The following ATM variants were observed in gnomAD, a reference collection of about 807,000 sequenced individuals.
The protein encoded by ATM is ATM serine/threonine kinase.
ATM carries 308 observed loss-of-function variants against 387.0 expected under a neutral mutation model. That is an observed-to-expected ratio of 0.80 (90% CI 0.73 to 0.87). The LOEUF is 0.87. ATM is among the 40% of genes least tolerant of loss of function. The probability of loss-of-function intolerance (pLI) is 0.00; values close to 1 mark genes in which losing one functional copy is unlikely to be tolerated. For missense variants in ATM, 3,312 were observed against 3,560.9 expected (o/e 0.93, Z 1.78); for synonymous variants, 1,156 against 1,187.3 (o/e 0.97, Z 0.54).
chr11:108,304,288 AC>A (rs2083568379), intron 36 of ATM, among the ~76,000 whole-genome samples: 2 of 152,302 alleles, frequency 1.3e-5, no homozygotes, highest in African/African-American at 4.8e-5. Context: ...AACTTTTGAT[AC>A]CTTTTTCCCT....
intron 27 of ATM, 64 bp downstream of exon 27, chr11:108,287,779 G>A (rs1313938490): frequency 1.0e-5 from 12 of 1,151,504 alleles, no homozygotes; most frequent in East Asian, 2.4e-5. Context: ...AAGTTTATTG[G>A]TTGACACCTT....
Position 108,249,005 on chromosome 11 carries a change from T to A in ATM, c.1138T>A (p.Tyr380Asn), listed in dbSNP as rs34083085. The A allele has an allele frequency of 1.9e-5, 31 of 1,613,388 alleles. No individual in the cohort carries two copies. Among genetic ancestry groups the A allele is most frequent in the Non-Finnish European group, 2.6e-5 (31 of 1,179,432 alleles). ...TACTACACAAAGAGAATCTAGTGAT[T>A]ACAGTGTCCCTTGCAAAAGGAAGAA... is the stretch of plus-strand genomic sequence containing the variant. The part of the protein sequence containing the change: ...YTTTQRESSD[Y>N]SVPCKRKKIE... The change falls in exon 9 of 63, where the codon TAC (tyrosine) becomes AAC (asparagine). Residue 380 changes from tyrosine to asparagine, a missense_variant. Physicochemically the swap from Tyr to Asn is moderately radical, Grantham distance 143. This residue lies in a region of ATM where 1,791 missense variants were observed against 1,804.5 expected (regional missense o/e 0.99). Coordinates refer to ENST00000675843, the MANE Select transcript of ATM (RefSeq NM_000051.4).
rs537377433 is a variant in ATM, at chr11:108,293,340, A to T, written c.4639A>T (p.Ile1547Leu). 3 of 1,570,224 alleles carry T rather than the reference A, an allele frequency of 1.9e-6. No homozygotes were observed. The highest frequency in any genetic ancestry group is 1.7e-6 in the Non-Finnish European group (2 of 1,144,800). Residue 1547 changes from isoleucine to leucine, a missense_variant, in exon 31 of 63, where the codon ATA (isoleucine) becomes TTA (leucine). Ile to Leu is a conservative substitution (Grantham distance 5, BLOSUM62 2). Coordinates refer to ENST00000675843, the MANE Select transcript of ATM (RefSeq NM_000051.4). ...ATTGGACTTGTTGAAATACTTAGTG[A>T]TAGATAACAAGGATAATGAAAACCT... The part of the protein sequence containing the change: ...QVLDLLKYLV[I>L]DNKDNENLYI...
chr11:108,309,187 G>T (rs1224968316), intron 38 of ATM: 1 of 563,076 alleles, frequency 1.8e-6, no homozygotes, highest in South Asian at 2.4e-5. Context: ...CAAAAACAAA[G>T]AACAACAATA....
intron 13 of ATM, among the ~76,000 whole-genome samples, chr11:108,254,967 T>C (rs1450948661): frequency 6.6e-6 from 1 of 152,186 alleles, no homozygotes; most frequent in Non-Finnish European, 1.5e-5. Flanking sequence ...TTTCATCTTT[T>C]AATTTCATAG....
chr11:108,326,085 A>G lies in ATM; in HGVS notation c.6835A>G (p.Lys2279Glu), dbSNP rs756898113. 6 of 1,614,024 alleles carry G rather than the reference A, an allele frequency of 3.7e-6. No homozygotes were observed. In the Admixed American group the frequency reaches 1.0e-4, roughly 27 times the overall value. ...CCCTGAAAGGGCAATATTTCAAATTAAACAGTACAATTCAGTTAGCTGTGG... is the reference window on the plus strand; with the variant it reads ...CCCTGAAAGGGCAATATTTCAAATTGAACAGTACAATTCAGTTAGCTGTGG... ...QLPERAIFQIKQYNSVSCGVS... is the reference protein window; with the variant it reads ...QLPERAIFQIEQYNSVSCGVS... The change falls in exon 47 of 63, where the codon AAA becomes GAA. Residue 2279 changes from lysine to glutamate, a missense_variant. Transcript: ENST00000675843.
chr11:108,329,105 C>T lies in ATM; in HGVS notation c.7174C>T (p.Arg2392Trp), dbSNP rs149827260. ...GKMKAFLSLA[R>W]FSDTQYQRIE... is the part of the protein sequence containing the mutation. ...AATGAAGGCATTTCTCTCATTAGCC[C>T]GGTTTTCAGATACTCAATACCAAAG... is the stretch of plus-strand genomic sequence containing the variant. The change falls in exon 49 of 63, where the codon CGG becomes TGG. Residue 2392 changes from arginine to tryptophan, a missense_variant. Physicochemically the swap from Arg to Trp is moderately radical, Grantham distance 101 (BLOSUM62 -3). Coordinates refer to ENST00000675843, the MANE Select transcript of ATM (RefSeq NM_000051.4). 86 of 1,614,020 alleles carry T rather than the reference C, an allele frequency of 5.3e-5. No individual in the cohort carries two copies. The African/African-American group carries it at 1.0e-3, about 19-fold the overall frequency.
Position 108,365,137 on chromosome 11 carries a change from A to G in ATM, c.8906A>G (p.Tyr2969Cys), listed in dbSNP as rs376524155. Residue 2969 changes from tyrosine to cysteine, a missense_variant, in exon 62 of 63, where the codon TAT (tyrosine) becomes TGT (cysteine). Tyr to Cys is a radical substitution (Grantham distance 194). Around this residue, in one of 4 missense-constraint regions of ATM, gnomAD observed 21 missense variants for 51.6 expected, o/e 0.41. Transcript: ENST00000675843. ...DWTMNPLKAL[Y>C]LQQRPEDETE... is the part of the protein sequence containing the mutation. Reference sequence around the variant, plus strand: ...ACCATGAATCCTTTGAAAGCTTTGTATTTACAGCAGAGGCCGGAAGATGAA... The same window carrying G: ...ACCATGAATCCTTTGAAAGCTTTGTGTTTACAGCAGAGGCCGGAAGATGAA... The G allele has an allele frequency of 4.3e-6, 7 of 1,614,190 alleles. No homozygotes were observed. The highest frequency in any genetic ancestry group is 5.9e-6 in the Non-Finnish European group (7 of 1,180,034).
intron 50 of ATM, 191 bp from the exon 51 acceptor site, chr11:108,331,253 A>G: frequency 5.3e-6 from 7 of 1,310,166 alleles, no homozygotes; most frequent in Non-Finnish European, 6.8e-6. Context: ...TTACCAATGC[A>G]TTAATCTAGA....
intron 12 of ATM, among the ~76,000 whole-genome samples, chr11:108,253,286 T>C (rs2080254396): frequency 1.3e-5 from 2 of 152,130 alleles, no homozygotes; most frequent in South Asian, 4.1e-4. Flanking sequence ...CTAATGATAA[T>C]TGAAAACAAA....
At chr11:108,345,979 C>T (rs2088330699) in intron 58 of ATM, 71 bp downstream of exon 58, 2 of 1,563,550 alleles carry the variant, frequency 1.3e-6, no homozygotes, top group African/African-American at 1.4e-5. Context: ...TTTGATTCAG[C>T]ACTTTTTCTA....
intron 38 of ATM, chr11:108,309,037 C>T (rs1403435905): frequency 6.6e-7 from 1 of 1,522,094 alleles, no homozygotes; most frequent in Non-Finnish European, 8.8e-7. Context: ...CTTCATATTC[C>T]ATTTTAATGC....
chr11:108,261,538 CAG>C (rs2080887757), intron 16 of ATM, among the ~76,000 whole-genome samples: 1 of 152,106 alleles, frequency 6.6e-6, no homozygotes, highest in Non-Finnish European at 1.5e-5. Context: ...GGGGAAAAAA[CAG>C]AACAGAAAAA....
rs1180305176 is a variant in ATM, at chr11:108,315,754, T to G, written c.6007-69T>G. The G allele has an allele frequency of 8.1e-6, 10 of 1,240,390 alleles. No individual in the cohort carries two copies. In the Admixed American group the frequency reaches 1.4e-4, roughly 18 times the overall value. The allele number at this position is 1,240,390 out of a possible 1,614,324, so 76.8% of individuals were successfully genotyped here. A position where few individuals can be genotyped will look rare whatever the true frequency, so the allele number is the denominator to read the frequency against. ...AGTTACATATTGGTAATGATACAAT[T>G]TAAAATTTGCTAAATTTATAGACCG... On this transcript the variant is annotated intron_variant, in intron 40 of 62. Transcript: ENST00000675843.
At chr11:108,364,456 A>G (rs2091124348) in intron 61 of ATM, among the ~76,000 whole-genome samples, 1 of 152,196 alleles carries the variant, frequency 6.6e-6, no homozygotes, top group African/African-American at 2.4e-5. Flanking sequence ...TTGTTTTGGT[A>G]TCCTAATTCT....
At chr11:108,291,275 G>A (rs145672513) in intron 29 of ATM, among the ~76,000 whole-genome samples, 23 of 152,054 alleles carry the variant, frequency 1.5e-4, no homozygotes, top group African/African-American at 5.6e-4. Context: ...CAAGAATTGG[G>A]GTTGTTCAAT....
intron 40 of ATM, among the ~76,000 whole-genome samples, chr11:108,313,936 C>T (rs1025417120): frequency 2.0e-5 from 3 of 151,900 alleles, no homozygotes; most frequent in East Asian, 1.9e-4. Flanking sequence ...CAGAATATAT[C>T]TTTTCTGTGT....
At chr11:108,299,623 A>T in intron 33 of ATM, 91 bp from the exon 34 acceptor site, 1 of 1,325,634 alleles carries the variant, frequency 7.5e-7, no homozygotes, top group South Asian at 1.2e-5. Flanking sequence ...AAGTACAGAA[A>T]AACAGCATTA....
intron 8 of ATM, among the ~76,000 whole-genome samples, chr11:108,247,775 T>C (rs2079927221): frequency 1.3e-5 from 2 of 151,980 alleles, no homozygotes; most frequent in South Asian, 2.1e-4. Flanking sequence ...TTTGTTTTTT[T>C]AGTAGAGACT....
Sources: gnomAD v4.1 joint callset for allele counts (sites outside exome capture counted in the v4.1 genomes callset) on GRCh38, gnomAD v4.1.1 for gene constraint, gnomAD v4.1.1 regional missense constraint, MANE v1.5 for transcripts, NCBI Gene and HGNC (gene_info 2026-07-23, HGNC 2026-07-21) for gene names.